The following NRL variants were observed in gnomAD, a reference collection of about 807,000 sequenced individuals.
NRL encodes neural retina leucine zipper.
A neutral mutation model predicts 12.5 loss-of-function variants in NRL; 16 were observed. That is an observed-to-expected ratio of 1.28 (90% CI 0.87 to 1.95). NRL has a LOEUF of 1.95. NRL is among the 30% of genes most tolerant of loss of function. The pLI is 0.00. For missense variants in NRL, 314 were observed against 325.8 expected, an observed-to-expected ratio of 0.96 and a Z score of 0.28; for synonymous variants, 142 against 150.9, an observed-to-expected ratio of 0.94 and a Z score of 0.43.
rs2036440243 is a variant in NRL at position 24,085,381 on chromosome 14, C to G, written c.-27-2506G>C. Reference sequence around the variant, plus strand: ...TCATATGCCCTCTGCTTTCTCTCACCTTTTCCCTGTGTGTGTCTCTGCCCC... The same window carrying G: ...TCATATGCCCTCTGCTTTCTCTCACGTTTTCCCTGTGTGTGTCTCTGCCCC... On this transcript the variant is annotated intron_variant, in intron 1 of 2. Coordinates refer to ENST00000561028, the MANE Select transcript of NRL (RefSeq NM_001354768.3). The surrounding 1 kb of genome is among the most constrained non-coding windows in gnomAD (Gnocchi z 4.1). 6.6e-6 allele frequency among the ~76,000 whole-genome samples: 1 copy of G among 152,304 alleles called. No homozygotes were observed. The highest frequency in any genetic ancestry group is 1.9e-4 in the East Asian group (1 of 5,178).
Position 24,081,622 on chromosome 14 carries a change from C to A in NRL, c.382-54G>T, listed in dbSNP as rs976702570. On this transcript the variant is annotated intron_variant, in intron 2 of 2. Coordinates refer to ENST00000561028, the MANE Select transcript of NRL (RefSeq NM_001354768.3). The surrounding 1 kb of genome is among the most constrained non-coding windows in gnomAD (Gnocchi z 4.4). ...CAGCGCCAGGTCGCACCCGGCTCTGCCCTGAGGGCCCGACGCTACCTGGCT... is the reference window on the plus strand; with the variant it reads ...CAGCGCCAGGTCGCACCCGGCTCTGACCTGAGGGCCCGACGCTACCTGGCT... 6.5e-7 allele frequency: 1 copy of A among 1,546,246 alleles called. No homozygotes were observed. Among genetic ancestry groups the A allele is most frequent in the Non-Finnish European group, 8.7e-7 (1 of 1,145,720 alleles).
At chr14:24,087,772 G>A (rs943946945) in intron 1 of NRL, among the ~76,000 whole-genome samples, 30 of 152,330 alleles carry the variant, frequency 2.0e-4, no homozygotes, top group African/African-American at 6.7e-4. Flanking sequence ...ATGAAACAGA[G>A]AAACATCAAA....
Position 24,103,786 on chromosome 14 carries a change from T to C in NRL, c.-28+10936A>G, listed in dbSNP as rs1424536900. On this transcript the variant is annotated intron_variant, in intron 1 of 2. Coordinates refer to ENST00000561028, the MANE Select transcript of NRL (RefSeq NM_001354768.3). ...GGGCTGGTGCCAAAGGAAGGAGCCT[T>C]GGATCTCAGCGGCCTCAGAGCTATA... 22 of 1,614,002 alleles carry C rather than the reference T, an allele frequency of 1.4e-5. No individual in the cohort carries two copies. The highest frequency in any genetic ancestry group is 1.9e-5 in the Non-Finnish European group (22 of 1,180,020).
Position 24,099,131 on chromosome 14 carries a change from C to T in NRL, c.-28+15591G>A, listed in dbSNP as rs149974910. The T allele has an allele frequency of 4.6e-3, 7,469 of 1,612,296 alleles. 26 individuals carry two copies. The highest frequency in any genetic ancestry group is 8.0e-3 in the East Asian group (361 of 44,888). ...CCGACCAGCGGGAGATCATCTCCTT[C>T]GGCAGCGGCTATGGTGGCAACTCCC... On this transcript the variant is annotated intron_variant, in intron 1 of 2. Coordinates refer to ENST00000561028, the MANE Select transcript of NRL (RefSeq NM_001354768.3).
Position 24,081,956 on chromosome 14 carries a change from C to A in NRL, c.382-388G>T, listed in dbSNP as rs902047100. The A allele has an allele frequency of 4.1e-6, 5 of 1,233,206 alleles. No homozygotes were observed. In the African/African-American group the frequency reaches 8.0e-5, roughly 20 times the overall value. 76.4% of individuals were successfully genotyped at this position (1,233,206 alleles called of 1,614,324 possible). ...CGCGCTGCGTTTCCCTGTCCTGAAG[C>A]CTGCAACCCGGTGACCCTCACAGGA... is the stretch of plus-strand genomic sequence containing the variant. On this transcript the variant is annotated intron_variant, in intron 2 of 2. Coordinates refer to ENST00000561028, the MANE Select transcript of NRL (RefSeq NM_001354768.3). This position sits in a 1 kb window ranked among gnomAD's most constrained non-coding sequence, Gnocchi z 4.4.
chr14:24,108,993 C>T (rs1053574111), intron 1 of NRL, among the ~76,000 whole-genome samples: 8 of 152,154 alleles, frequency 5.3e-5, no homozygotes, highest in African/African-American at 1.4e-4. Flanking sequence ...CCAGCCTGCC[C>T]TCTAGTGGAG....
chr14:24,100,072 G>A lies in NRL; in HGVS notation c.-28+14650C>T, dbSNP rs147217453. Reference sequence around the variant, plus strand: ...TACCTCTGCCACCACCAATCCCAACGCCATGGCTACAATCCAGAGTAACAC... The same window carrying A: ...TACCTCTGCCACCACCAATCCCAACACCATGGCTACAATCCAGAGTAACAC... On this transcript the variant is annotated intron_variant, in intron 1 of 2. Transcript: ENST00000561028. The A allele has an allele frequency of 3.0e-5, 48 of 1,612,938 alleles. No homozygotes were observed. The highest frequency in any genetic ancestry group is 5.0e-5 in the Admixed American group (3 of 59,926).
At chr14:24,098,456 G>A (rs1204449900) in intron 1 of NRL, 2 of 1,613,754 alleles carry the variant, frequency 1.2e-6, no homozygotes, top group Non-Finnish European at 1.7e-6. Flanking sequence ...CTTCATCCAG[G>A]GGATGCCTTC....
At chr14:24,109,424 G>C (rs889790890) in intron 1 of NRL, among the ~76,000 whole-genome samples, 7 of 152,112 alleles carry the variant, frequency 4.6e-5, no homozygotes, top group Non-Finnish European at 1.0e-4. Flanking sequence ...TGCCAGGCGT[G>C]GTGGCTCACA....
intron 1 of NRL, chr14:24,098,786 C>A: frequency 1.1e-6 from 1 of 946,942 alleles, no homozygotes; most frequent in Non-Finnish European, 1.6e-6. Flanking sequence ...TCTCTGGCAA[C>A]CTAATTCCCA....
Position 24,085,099 on chromosome 14 carries a change from T to G in NRL, c.-27-2224A>C, listed in dbSNP as rs771017058. Among the ~76,000 whole-genome samples, 1 of 152,174 alleles carries G rather than the reference T, an allele frequency of 6.6e-6. No homozygotes were observed. Among genetic ancestry groups the G allele is most frequent in the Non-Finnish European group, 1.5e-5 (1 of 68,030 alleles). On this transcript the variant is annotated intron_variant, in intron 1 of 2. Coordinates refer to ENST00000561028, the MANE Select transcript of NRL (RefSeq NM_001354768.3). The surrounding 1 kb of genome is among the most constrained non-coding windows in gnomAD (Gnocchi z 4.1). ...TTCCTATTTTCAAGAATCCTCACAT[T>G]TCTACCTCTGCCCCATCTTCATGCT...
At position 24,094,732 on chromosome 14, in the gene NRL, G is replaced by A; in HGVS notation, c.-27-11857C>T. 2 of 1,488,484 alleles carry A rather than the reference G, an allele frequency of 1.3e-6. No individual in the cohort carries two copies. The highest frequency in any genetic ancestry group is 1.8e-6 in the Non-Finnish European group (2 of 1,116,850). 92.2% of individuals were successfully genotyped at this position (1,488,484 alleles called of 1,614,324 possible). ...CTCTCTCCTCGCTCCTCTCTGCTGA[G>A]CCAGGTCTCCGCATATCCTCCTTTC... is the stretch of plus-strand genomic sequence containing the variant. On this transcript the variant is annotated intron_variant, in intron 1 of 2. Transcript: ENST00000561028. The surrounding 1 kb of genome is among the most constrained non-coding windows in gnomAD (Gnocchi z 4.1).
Position 24,081,375 on chromosome 14 carries a change from G to C in NRL, c.575C>G (p.Ala192Gly). Reference protein sequence around the residue: ...QQRRGLEAERARLAAQLDALR... With the variant: ...QQRRGLEAERGRLAAQLDALR... ...CGCGTCCAGCTGGGCGGCCAGGCGG[G>C]CGCGCTCGGCCTCCAGCCCGCGCCG... The change falls in exon 3 of 3, where the codon GCC becomes GGC. Residue 192 changes from alanine (A) to glycine (G), a missense_variant. By Grantham distance (60) the Ala-to-Gly change is moderately conservative. Transcript: ENST00000561028. This position sits in a 1 kb window ranked among gnomAD's most constrained non-coding sequence, Gnocchi z 4.4. 7.0e-7 allele frequency: 1 copy of C among 1,431,486 alleles called. No individual in the cohort carries two copies. The highest frequency in any genetic ancestry group is 9.1e-7 in the Non-Finnish European group (1 of 1,095,508). The allele number at this position is 1,431,486 out of a possible 1,614,324, so 88.7% of individuals were successfully genotyped here.
At chr14:24,099,663 G>C (rs1287019850) in intron 1 of NRL, 1 of 1,614,212 alleles carries the variant, frequency 6.2e-7, no homozygotes. Context: ...TGCACTGCCA[G>C]GCTGGAAAGT....
chr14:24,105,177 A>T (rs1337574203), intron 1 of NRL, among the ~76,000 whole-genome samples: 1 of 152,272 alleles, frequency 6.6e-6, no homozygotes, highest in African/African-American at 2.4e-5. Flanking sequence ...CTGGCTGGTT[A>T]TCTGCAGCAG....
chr14:24,109,222 A>G (rs2037381972), intron 1 of NRL, among the ~76,000 whole-genome samples: 1 of 152,250 alleles, frequency 6.6e-6, no homozygotes, highest in African/African-American at 2.4e-5. Flanking sequence ...AAATTTCAAA[A>G]TCAAGACAGC....
chr14:24,098,517 G>C, intron 1 of NRL: 1 of 1,614,138 alleles, frequency 6.2e-7, no homozygotes, highest in Non-Finnish European at 8.5e-7. Flanking sequence ...GGTCCTGTGG[G>C]CTCCCCGCTG....
At chr14:24,095,417 T>G (rs1340486459) in intron 1 of NRL, 1 of 358,586 alleles carries the variant, frequency 2.8e-6, no homozygotes, top group African/African-American at 2.1e-5. Context: ...GGGGCCACAC[T>G]GATCATCTAT....
rs979554385 is a variant in NRL at position 24,099,538 on chromosome 14, C to T, written c.-28+15184G>A. 8 of 1,556,334 alleles carry T rather than the reference C, an allele frequency of 5.1e-6. No homozygotes were observed. The African/African-American group carries it at 6.8e-5, about 13-fold the overall frequency. ...ACTTTTGGTGACCTCTTTCTTATTC[C>T]CTCTCTCCCCAATGCACAGATCCTG... On this transcript the variant is annotated intron_variant, in intron 1 of 2. Transcript: ENST00000561028.
Sources: allele counts gnomAD v4.1 joint callset (sites outside exome capture counted in the v4.1 genomes callset), GRCh38; gene constraint gnomAD v4.1.1; non-coding constraint Gnocchi (gnomAD v3.1); transcripts MANE v1.5; gene names NCBI Gene and HGNC (gene_info 2026-07-23, HGNC 2026-07-21).